Variants in ZNRF1 observed in about 807,000 individuals in gnomAD.
ZNRF1 encodes zinc and ring finger 1.
Under a neutral mutation model 18.4 loss-of-function variants are expected in ZNRF1, and 3 were observed. The ratio of observed to expected loss-of-function variants is 0.16; its 90% confidence interval spans 0.07 to 0.42. The LOEUF is 0.42. Among genes scored for constraint, ZNRF1 ranks in the 10% least tolerant of loss-of-function variants. The probability of loss-of-function intolerance (pLI) is 0.99; values close to 1 mark genes in which losing one functional copy is unlikely to be tolerated. For missense variants in ZNRF1, 310 were observed against 329.8 expected (o/e 0.94, Z 0.47); for synonymous variants, 157 against 144.2 (o/e 1.09, Z -0.64).
At chr16:75,002,575 G>A (rs559656735) in intron 1 of ZNRF1, among the ~76,000 whole-genome samples, 3 of 152,174 alleles carry the variant, frequency 2.0e-5, no homozygotes, top group Non-Finnish European at 4.4e-5. Flanking sequence ...CTCAGAGAGC[G>A]TGGGCTTAGG....
intron 2 of ZNRF1, among the ~76,000 whole-genome samples, chr16:75,103,869 T>C (rs978943553): frequency 6.6e-5 from 10 of 151,846 alleles, no homozygotes; most frequent in South Asian, 4.2e-4. Flanking sequence ...CCTGTAATCC[T>C]AGCTACTCGG....
chr16:75,000,416 C>T lies in ZNRF1; in HGVS notation c.424+321C>T, dbSNP rs1233670665. 1.3e-5 allele frequency: 7 copies of T among 529,278 alleles called. No homozygotes were observed. The Admixed American group carries it at 1.4e-4, about 11-fold the overall frequency. 32.8% of individuals were successfully genotyped at this position (529,278 alleles called of 1,614,324 possible). ...CGTGTCTGGCTGAGAGCAAGTCAGC[C>T]TGGGTACTTCCATTCTGCCACTGCA... On this transcript the variant is annotated intron_variant, in intron 1 of 4. Coordinates refer to ENST00000335325, the MANE Select transcript of ZNRF1 (RefSeq NM_032268.5).
chr16:75,032,104 GTT>G (rs1162819265), intron 1 of ZNRF1, among the ~76,000 whole-genome samples: 340 of 108,628 alleles, frequency 3.1e-3, no homozygotes, highest in African/African-American at 0.013. Context: ...TTCTTGTGAG[GTT>G]TTTTTTTTTT....
At chr16:75,086,990 C>T (rs909233695) in intron 1 of ZNRF1, among the ~76,000 whole-genome samples, 1 of 152,196 alleles carries the variant, frequency 6.6e-6, no homozygotes, top group African/African-American at 2.4e-5. Context: ...GAGCAACACG[C>T]CGCCAGCACA....
At chr16:75,033,378 C>T (rs1441443049) in intron 1 of ZNRF1, among the ~76,000 whole-genome samples, 1 of 150,350 alleles carries the variant, frequency 6.7e-6, no homozygotes, top group Non-Finnish European at 1.5e-5. Context: ...AATTCATGAA[C>T]ACGGTATTTC....
At chr16:75,044,491 T>C (rs978371698) in intron 1 of ZNRF1, among the ~76,000 whole-genome samples, 2 of 152,142 alleles carry the variant, frequency 1.3e-5, no homozygotes, top group Admixed American at 1.3e-4. Context: ...CCTCCAAAAG[T>C]GCTGGGATTA....
At chr16:75,002,399 G>T (rs2034863539) in intron 1 of ZNRF1, 1 of 152,184 alleles carries the variant, frequency 6.6e-6, no homozygotes, top group Admixed American at 6.5e-5. Flanking sequence ...TTGCTCTTCT[G>T]TTGCAAGATT....
rs142427288 is a variant in ZNRF1 at position 75,106,825 on chromosome 16, T to C, written c.*32+254T>C. The C allele has an allele frequency of 1.4e-4, 57 of 400,020 alleles. No individual in the cohort carries two copies. The East Asian group carries it at 2.6e-3, about 18-fold the overall frequency. The allele number at this position is 400,020 out of a possible 1,614,324, so 24.8% of individuals were successfully genotyped here. A position where few individuals can be genotyped will look rare whatever the true frequency, so the allele number is the denominator to read the frequency against. On this transcript the variant is annotated intron_variant, in intron 4 of 4. Transcript: ENST00000335325. ...TAGGATCAGTTGGGGAAGAGACCAGTACAATCTACATTCCTAAAGAAAGTT... is the reference window on the plus strand; with the variant it reads ...TAGGATCAGTTGGGGAAGAGACCAGCACAATCTACATTCCTAAAGAAAGTT...
At chr16:75,081,151 G>C (rs2036007246) in intron 1 of ZNRF1, among the ~76,000 whole-genome samples, 1 of 152,066 alleles carries the variant, frequency 6.6e-6, no homozygotes, top group Non-Finnish European at 1.5e-5. Context: ...CCAGCCTGGG[G>C]GACAGAGCAA....
intron 1 of ZNRF1, among the ~76,000 whole-genome samples, chr16:75,086,840 G>A (rs1051686200): frequency 2.6e-5 from 4 of 152,090 alleles, no homozygotes; most frequent in Admixed American, 6.6e-5. Context: ...TCTGTGTGGC[G>A]TGGCTTTCTT....
chr16:75,061,457 C>T (rs1045656987), intron 1 of ZNRF1, among the ~76,000 whole-genome samples: 4 of 24,098 alleles, frequency 1.7e-4, no homozygotes, highest in Admixed American at 5.5e-4. Context: ...ATCTCCGGTT[C>T]CACTCATGTT....
chr16:75,087,093 T>C (rs1181942968), intron 1 of ZNRF1, among the ~76,000 whole-genome samples: 1 of 151,986 alleles, frequency 6.6e-6, no homozygotes, highest in East Asian at 1.9e-4. Context: ...AAAACTCGAG[T>C]TGATATTGCA....
At chr16:75,087,668 G>T (rs1220227684) in intron 1 of ZNRF1, among the ~76,000 whole-genome samples, 2 of 152,212 alleles carry the variant, frequency 1.3e-5, no homozygotes, top group Non-Finnish European at 2.9e-5. Context: ...ACAATGCTCT[G>T]TCATTCGTTC....
intron 1 of ZNRF1, among the ~76,000 whole-genome samples, chr16:75,020,053 GT>G (rs35520846): frequency 0.032 from 4,818 of 151,444 alleles, 262 homozygotes; most frequent in African/African-American, 0.11. Context: ...CTATGTTAAA[GT>G]TTTTTTTTAA....
intron 1 of ZNRF1, among the ~76,000 whole-genome samples, chr16:75,085,804 G>GAGAC (rs1049803257): frequency 1.4e-5 from 2 of 147,328 alleles, no homozygotes; most frequent in African/African-American, 2.7e-5. Context: ...GAGAGAGAGA[G>GAGAC]AGAGAGAGAG....
intron 1 of ZNRF1, among the ~76,000 whole-genome samples, chr16:75,065,373 T>G (rs2145393425): frequency 6.6e-6 from 1 of 152,270 alleles, no homozygotes; most frequent in African/African-American, 2.4e-5. Flanking sequence ...CCTCCAGGGT[T>G]TTGTTGTTTT....
chr16:75,041,485 A>G (rs892279234), intron 1 of ZNRF1, among the ~76,000 whole-genome samples: 2 of 151,868 alleles, frequency 1.3e-5, no homozygotes, highest in Non-Finnish European at 2.9e-5. Flanking sequence ...GCATGCCGCC[A>G]TATCCGGCTA....
At position 75,063,140 on chromosome 16, in the gene ZNRF1, G is replaced by T. The variant is rs183843699; in HGVS notation, c.425-30432G>T. Among the ~76,000 whole-genome samples, 5 of 152,302 alleles carry T rather than the reference G, an allele frequency of 3.3e-5. No individual in the cohort carries two copies. The East Asian group carries it at 7.7e-4, about 24-fold the overall frequency. On this transcript the variant is annotated intron_variant, in intron 1 of 4. Coordinates refer to ENST00000335325, the MANE Select transcript of ZNRF1 (RefSeq NM_032268.5). Reference sequence around the variant, plus strand: ...AGCTAAAATTTTTGCAGAGTCATGCGAGTGGTTAGGGACAGGCCTGGATGA... The same window carrying T: ...AGCTAAAATTTTTGCAGAGTCATGCTAGTGGTTAGGGACAGGCCTGGATGA...
At chr16:75,082,408 C>T (rs1182942137) in intron 1 of ZNRF1, among the ~76,000 whole-genome samples, 1 of 152,196 alleles carries the variant, frequency 6.6e-6, no homozygotes, top group Non-Finnish European at 1.5e-5. Flanking sequence ...TGAGGATCCA[C>T]CTGGCAGGCT....
Sources: allele counts gnomAD v4.1 joint callset (sites outside exome capture counted in the v4.1 genomes callset), GRCh38; gene constraint gnomAD v4.1.1; transcripts MANE v1.5; gene names NCBI Gene and HGNC (gene_info 2026-07-23, HGNC 2026-07-21).